The following CAMKMT variants were observed in gnomAD, a reference collection of about 807,000 sequenced individuals.
The protein encoded by CAMKMT is CaM KMT.
Under a neutral mutation model 48.0 loss-of-function variants are expected in CAMKMT, and 53 were observed. The observed-to-expected ratio is 1.10, with a 90% CI of 0.89 to 1.39. The LOEUF (loss-of-function observed/expected upper bound fraction) is 1.39, where lower values mean the gene tolerates loss of function less well. Among genes scored for constraint, CAMKMT ranks in the 40% most tolerant of loss-of-function variants. CAMKMT has a pLI of 0.00. For missense variants in CAMKMT, 428 were observed against 402.7 expected (o/e 1.06, Z -0.54); for synonymous variants, 165 against 152.3 (o/e 1.08, Z -0.61).
At chr2:44,598,164 G>C (rs1024205180) in intron 3 of CAMKMT, among the ~76,000 whole-genome samples, 1 of 152,060 alleles carries the variant, frequency 6.6e-6, no homozygotes, top group Non-Finnish European at 1.5e-5. Context: ...TATAATGTTA[G>C]ATGAAAATAT....
intron 3 of CAMKMT, among the ~76,000 whole-genome samples, chr2:44,453,672 G>A (rs980869966): frequency 2.0e-5 from 3 of 152,040 alleles, no homozygotes; most frequent in Admixed American, 6.6e-5. Flanking sequence ...TTTATTAAAA[G>A]ATAATTTTAT....
intron 3 of CAMKMT, among the ~76,000 whole-genome samples, chr2:44,570,189 A>G (rs1017642442): frequency 6.6e-6 from 1 of 152,332 alleles, no homozygotes; most frequent in Middle Eastern, 3.4e-3. Flanking sequence ...AATAATCCTA[A>G]TGATAGATCT....
intron 9 of CAMKMT, among the ~76,000 whole-genome samples, chr2:44,764,668 T>G (rs917400825): frequency 1.3e-5 from 2 of 152,222 alleles, no homozygotes; most frequent in African/African-American, 4.8e-5. Context: ...CTGCCACAGT[T>G]CCTCCTTATA....
rs563899224 is a variant in CAMKMT, at chr2:44,665,834, G to A, written c.377-38449G>A. Among the ~76,000 whole-genome samples, 4 of 152,324 alleles carry A rather than the reference G, an allele frequency of 2.6e-5. No individual in the cohort carries two copies. The South Asian group carries it at 8.3e-4, about 32-fold the overall frequency. On this transcript the variant is annotated intron_variant, in intron 3 of 10. Transcript: ENST00000378494. ...GGTCCATACATCAAATCAGTAGACTGCTGCAATATGAGCACCTGGGTAAGA... is the reference window on the plus strand; with the variant it reads ...GGTCCATACATCAAATCAGTAGACTACTGCAATATGAGCACCTGGGTAAGA...
At chr2:44,541,814 A>G (rs1003080954) in intron 3 of CAMKMT, among the ~76,000 whole-genome samples, 3 of 151,856 alleles carry the variant, frequency 2.0e-5, no homozygotes, top group East Asian at 3.9e-4. Flanking sequence ...TACTAAGACT[A>G]TTACTTCAGA....
chr2:44,609,229 G>T (rs1671464805), intron 3 of CAMKMT, among the ~76,000 whole-genome samples: 1 of 152,136 alleles, frequency 6.6e-6, no homozygotes, highest in African/African-American at 2.4e-5. Context: ...GAAGATGTTG[G>T]TCAAAGAACA....
intron 3 of CAMKMT, among the ~76,000 whole-genome samples, chr2:44,661,614 T>C (rs1165742677): frequency 6.6e-6 from 1 of 152,202 alleles, no homozygotes; most frequent in African/African-American, 2.4e-5. Context: ...ACTTTCAGTG[T>C]GATAGAATCT....
intron 3 of CAMKMT, among the ~76,000 whole-genome samples, chr2:44,616,793 A>G (rs1671918363): frequency 6.6e-6 from 1 of 152,230 alleles, no homozygotes; most frequent in Non-Finnish European, 1.5e-5. Flanking sequence ...ATCTACACAT[A>G]TCACACAAAT....
chr2:44,418,948 T>A (rs1683749569), intron 3 of CAMKMT, among the ~76,000 whole-genome samples: 1 of 152,212 alleles, frequency 6.6e-6, no homozygotes, highest in Admixed American at 6.5e-5. Flanking sequence ...ATTTTACAGG[T>A]CTTGCCTATA....
chr2:44,660,614 A>AT (rs1461018716), intron 3 of CAMKMT, among the ~76,000 whole-genome samples: 2 of 152,056 alleles, frequency 1.3e-5, no homozygotes, highest in Non-Finnish European at 2.9e-5. Context: ...TGGCCAATAT[A>AT]TTTTTTTGTT....
intron 10 of CAMKMT, among the ~76,000 whole-genome samples, chr2:44,770,172 C>G (rs1681043570): frequency 1.3e-5 from 2 of 152,244 alleles, no homozygotes; most frequent in South Asian, 2.1e-4. Context: ...AACATTCCCC[C>G]ATCGAAGCAA....
intron 3 of CAMKMT, among the ~76,000 whole-genome samples, chr2:44,596,633 C>T (rs2103840896): frequency 6.6e-6 from 1 of 151,922 alleles, no homozygotes; most frequent in Middle Eastern, 3.4e-3. Context: ...AAGTCCAGTC[C>T]AATTCATCAA....
chr2:44,388,837 G>C (rs1681033796), intron 2 of CAMKMT, among the ~76,000 whole-genome samples: 1 of 152,202 alleles, frequency 6.6e-6, no homozygotes, highest in Admixed American at 6.5e-5. Context: ...TGTCTGCACA[G>C]AGTCCTGTGA....
At chr2:44,540,054 C>G (rs921216061) in intron 3 of CAMKMT, among the ~76,000 whole-genome samples, 3 of 152,060 alleles carry the variant, frequency 2.0e-5, no homozygotes, top group African/African-American at 4.8e-5. Flanking sequence ...ATGCCCAAAT[C>G]AATTATTAAT....
chr2:44,608,064 A>G (rs1042220480), intron 3 of CAMKMT, among the ~76,000 whole-genome samples: 88 of 130,814 alleles, frequency 6.7e-4, no homozygotes, highest in African/African-American at 2.5e-3. Context: ...TTTAAAATAT[A>G]TTTTCCTTTT....
chr2:44,555,307 G>A (rs1385570620), intron 3 of CAMKMT, among the ~76,000 whole-genome samples: 1 of 152,224 alleles, frequency 6.6e-6, no homozygotes, highest in Non-Finnish European at 1.5e-5. Context: ...GGATAGAGAA[G>A]AAGTGAATTG....
intron 3 of CAMKMT, among the ~76,000 whole-genome samples, chr2:44,606,294 T>G (rs146244826): frequency 6.6e-6 from 1 of 152,336 alleles, no homozygotes; most frequent in African/African-American, 2.4e-5. Context: ...AGTGATAATA[T>G]ATGATCATTC....
At chr2:44,725,212 TTACA>T (rs1171423033) in intron 7 of CAMKMT, among the ~76,000 whole-genome samples, 1 of 151,010 alleles carries the variant, frequency 6.6e-6, no homozygotes, top group Non-Finnish European at 1.5e-5. Flanking sequence ...TATATCGGTC[TTACA>T]TACATTCTTC....
intron 3 of CAMKMT, among the ~76,000 whole-genome samples, chr2:44,450,560 T>C (rs538488271): frequency 6.6e-6 from 1 of 152,256 alleles, no homozygotes; most frequent in South Asian, 2.1e-4. Context: ...TATACACTAA[T>C]ATATTTTTAG....
Sources: gnomAD v4.1 joint callset for allele counts (sites outside exome capture counted in the v4.1 genomes callset) on GRCh38, gnomAD v4.1.1 for gene constraint, MANE v1.5 for transcripts, NCBI Gene and HGNC (gene_info 2026-07-23, HGNC 2026-07-21) for gene names.